The following SLC8A1 variants were observed in gnomAD, a reference collection of about 807,000 sequenced individuals.
SLC8A1 encodes the protein sodium/calcium exchanger 1.
In SLC8A1, 18 loss-of-function variants were observed where a neutral mutation model predicts 68.3. The ratio of observed to expected loss-of-function variants is 0.26; its 90% CI spans 0.18 to 0.39. The LOEUF (loss-of-function observed/expected upper bound fraction) is 0.39. Among genes scored for constraint, SLC8A1 ranks in the 10% least tolerant of loss-of-function variants. The pLI is 1.00. For synonymous variants in SLC8A1, 475 were observed against 415.5 expected, an observed-to-expected ratio of 1.14 and a Z score of -1.74; for missense variants, 985 against 1,156.7, an observed-to-expected ratio of 0.85 and a Z score of 2.15.
At chr2:40,416,156 T>G (rs772310889) in intron 2 of SLC8A1, among the ~76,000 whole-genome samples, 13 of 151,900 alleles carry the variant, frequency 8.6e-5, no homozygotes, top group Non-Finnish European at 1.6e-4. Context: ...TAATTATGTA[T>G]CTGCATAATT....
exon 8 of SLC8A1, chr2:40,111,728 A>C (rs2034564373): frequency 6.6e-6 from 1 of 152,226 alleles, no homozygotes; most frequent in African/African-American, 2.4e-5. Context: ...TGCGAGGCAG[A>C]AGTTCTACAA....
At chr2:40,180,682 T>C (rs2049347697) in intron 2 of SLC8A1, among the ~76,000 whole-genome samples, 2 of 152,206 alleles carry the variant, frequency 1.3e-5, no homozygotes. Flanking sequence ...GCAATATTCT[T>C]GTTAGCATTA....
At chr2:40,455,415 T>G (rs576571828), upstream of SLC8A1, among the ~76,000 whole-genome samples, 3 of 152,380 alleles carry the variant, frequency 2.0e-5, no homozygotes, top group African/African-American at 7.2e-5. Flanking sequence ...TCTCTTCCAT[T>G]GCTTCGGGCT....
intron 2 of SLC8A1, among the ~76,000 whole-genome samples, chr2:40,217,552 A>C (rs1256449045): frequency 6.6e-6 from 1 of 152,136 alleles, no homozygotes; most frequent in Non-Finnish European, 1.5e-5. Flanking sequence ...TGTGTAGGCA[A>C]CACAATAGAT....
chr2:40,443,902 T>C (rs1225030223), intron 1 of SLC8A1, among the ~76,000 whole-genome samples: 1 of 152,236 alleles, frequency 6.6e-6, no homozygotes, highest in Non-Finnish European at 1.5e-5. Flanking sequence ...TATCAGCTAG[T>C]AGTCAGCTGA....
chr2:40,424,112 G>C (rs895821347), intron 2 of SLC8A1, among the ~76,000 whole-genome samples: 5 of 151,854 alleles, frequency 3.3e-5, no homozygotes, highest in Non-Finnish European at 5.9e-5. Context: ...TGAATATGTT[G>C]GAGTTATTAA....
At chr2:40,503,747 A>G (rs551511956) in intron 1 of SLC8A1, among the ~76,000 whole-genome samples, 2 of 152,160 alleles carry the variant, frequency 1.3e-5, no homozygotes, top group Admixed American at 1.3e-4. Flanking sequence ...TAACTTAACC[A>G]AAGAAGTGAA....
chr2:40,370,863 A>T (rs888701290), intron 2 of SLC8A1, among the ~76,000 whole-genome samples: 2 of 152,106 alleles, frequency 1.3e-5, no homozygotes, highest in African/African-American at 4.8e-5. Flanking sequence ...TATTGAAGTA[A>T]CTGGAGACAC....
intron 2 of SLC8A1, among the ~76,000 whole-genome samples, chr2:40,255,820 G>A (rs1199972799): frequency 6.6e-6 from 1 of 152,102 alleles, no homozygotes; most frequent in African/African-American, 2.4e-5. Context: ...TGATATACTT[G>A]TCACATCAAT....
At chr2:40,119,149 G>A (rs2036210914) in intron 7 of SLC8A1, among the ~76,000 whole-genome samples, 1 of 152,128 alleles carries the variant, frequency 6.6e-6, no homozygotes. Flanking sequence ...ATTCTTACTT[G>A]TAATAATAAT....
intron 2 of SLC8A1, among the ~76,000 whole-genome samples, chr2:40,189,270 A>G (rs2051291713): frequency 6.6e-6 from 1 of 152,140 alleles, no homozygotes; most frequent in Admixed American, 6.5e-5. Flanking sequence ...ACTAAATACA[A>G]TGTGGATTGC....
intron 2 of SLC8A1, among the ~76,000 whole-genome samples, chr2:40,412,517 G>T (rs1442094418): frequency 1.3e-5 from 2 of 152,118 alleles, no homozygotes; most frequent in Admixed American, 1.3e-4. Context: ...GGTTTTAACT[G>T]AAACAGATTC....
chr2:40,395,553 GGAT>G (rs1229384924), intron 2 of SLC8A1, among the ~76,000 whole-genome samples: 2 of 152,020 alleles, frequency 1.3e-5, no homozygotes, highest in Non-Finnish European at 2.9e-5. Flanking sequence ...CCACCTACTT[GGAT>G]GAGAGCATTT....
chr2:40,476,176 T>C (rs1028141953), intron 1 of SLC8A1, among the ~76,000 whole-genome samples: 11 of 152,344 alleles, frequency 7.2e-5, no homozygotes, highest in Middle Eastern at 3.4e-3. Context: ...TATTCATATA[T>C]TCCTCATATT....
At chr2:40,113,179 C>T (rs2034782275) in exon 8 of SLC8A1, 1 of 152,166 alleles carries the variant, frequency 6.6e-6, no homozygotes, top group African/African-American at 2.4e-5. Context: ...CATTCAGTCA[C>T]CAAATGTTTA....
intron 2 of SLC8A1, among the ~76,000 whole-genome samples, chr2:40,246,882 G>T (rs1378691548): frequency 6.6e-6 from 1 of 152,096 alleles, no homozygotes; most frequent in Non-Finnish European, 1.5e-5. Flanking sequence ...GACTAGGGCT[G>T]TGAAAACACA....
intron 2 of SLC8A1, among the ~76,000 whole-genome samples, chr2:40,310,329 G>T (rs538279062): frequency 1.3e-5 from 2 of 152,282 alleles, no homozygotes; most frequent in East Asian, 3.9e-4. Context: ...AACCCAGTGA[G>T]ACATGAAAAA....
intron 2 of SLC8A1, among the ~76,000 whole-genome samples, chr2:40,245,996 A>G (rs937322142): frequency 2.0e-5 from 3 of 152,246 alleles, no homozygotes; most frequent in African/African-American, 7.2e-5. Flanking sequence ...TCAGAGACCT[A>G]TGATGTTAAT....
chr2:40,475,595 A>G (rs1041192444), intron 1 of SLC8A1, among the ~76,000 whole-genome samples: 1 of 152,152 alleles, frequency 6.6e-6, no homozygotes, highest in Non-Finnish European at 1.5e-5. Context: ...ATACATATGT[A>G]CATGACATAT....
Sources: gnomAD v4.1 joint callset for allele counts (sites outside exome capture counted in the v4.1 genomes callset) on GRCh38, gnomAD v4.1.1 for gene constraint, MANE v1.5 for transcripts, NCBI Gene and HGNC (gene_info 2026-07-23, HGNC 2026-07-21) for gene names.